Variants in PHKB observed in about 807,000 individuals in gnomAD.
PHKB encodes the protein phosphorylase kinase regulatory subunit beta.
Under a neutral mutation model 152.1 loss-of-function variants are expected in PHKB, and 122 were observed. The observed-to-expected ratio is 0.80, with a 90% CI of 0.69 to 0.93. The LOEUF (loss-of-function observed/expected upper bound fraction) is 0.93. PHKB is among the 40% of genes least tolerant of loss of function. The pLI is 0.00. For synonymous variants in PHKB, 436 were observed against 464.9 expected (o/e 0.94, Z 0.80); for missense variants, 1,304 against 1,328.4 (o/e 0.98, Z 0.29).
At chr16:47,623,448 A>G (rs1040564618) in intron 14 of PHKB, among the ~76,000 whole-genome samples, 1 of 147,072 alleles carries the variant, frequency 6.8e-6, no homozygotes, top group Non-Finnish European at 1.5e-5. Context: ...CTATCACTGT[A>G]TAGACAGAAG....
In PHKB at chr16:47,614,242, T is replaced by C. The variant is rs978364252; in HGVS notation, c.1458+3322T>C. Among the ~76,000 whole-genome samples, 4 of 152,150 alleles carry C rather than the reference T, an allele frequency of 2.6e-5. 1 individual carries two copies. The highest frequency in any genetic ancestry group is 4.4e-5 in the Non-Finnish European group (3 of 68,032). ...GTGCAGTACCAAAAGGGGATGGTGC[T>C]AAACCATTCATGAGAACTCCACCTC... On this transcript the variant is annotated intron_variant, in intron 14 of 30. Transcript: ENST00000323584.
At chr16:47,666,166 T>C (rs1190753987) in intron 25 of PHKB, 4 of 718,328 alleles carry the variant, frequency 5.6e-6, no homozygotes, top group Admixed American at 2.1e-5. Flanking sequence ...TCAGGCACTT[T>C]CTATCAAAGT....
At chr16:47,621,946 T>C (rs1972625186) in intron 14 of PHKB, among the ~76,000 whole-genome samples, 1 of 152,158 alleles carries the variant, frequency 6.6e-6, no homozygotes, top group Non-Finnish European at 1.5e-5. Context: ...CTTAAACACA[T>C]TTAATAACAT....
intron 27 of PHKB, 111 bp from the exon 28 acceptor site, chr16:47,693,267 C>A: frequency 2.8e-6 from 3 of 1,054,258 alleles, no homozygotes; most frequent in Non-Finnish European, 4.4e-6. Context: ...CATTGATGGG[C>A]TTTGGCTTTT....
chr16:47,552,438 G>A (rs1313177389), intron 7 of PHKB, among the ~76,000 whole-genome samples: 6 of 152,128 alleles, frequency 3.9e-5, no homozygotes, highest in Non-Finnish European at 8.8e-5. Context: ...GAATTTGCTC[G>A]TCTGTAAAGG....
In PHKB at chr16:47,701,205, C is replaced by G. The variant is rs981081630; in HGVS notation, c.*1839C>G. 11 of 152,160 alleles carry G rather than the reference C, an allele frequency of 7.2e-5. No individual in the cohort carries two copies. Among genetic ancestry groups the G allele is most frequent in the South Asian group, 6.2e-4 (3 of 4,824 alleles). The allele number at this position is 152,160 out of a possible 1,614,324, so 9.4% of individuals were successfully genotyped here. A position where few individuals can be genotyped will look rare whatever the true frequency, so the allele number is the denominator to read the frequency against. On this transcript the variant is annotated 3_prime_UTR_variant, in exon 31 of 31. Coordinates refer to ENST00000323584, the MANE Select transcript of PHKB (RefSeq NM_000293.3). ...AAATTAAAGAAAGGGAAACAAAAGA[C>G]TTAAAATTTTTGTTTGCCGAAATTT...
At chr16:47,565,741 G>A in intron 7 of PHKB, 1 of 1,493,980 alleles carries the variant, frequency 6.7e-7, no homozygotes. Flanking sequence ...GGCTCATCCA[G>A]CTGATGCTGC....
At chr16:47,493,686 A>T (rs1340132109) in intron 1 of PHKB, among the ~76,000 whole-genome samples, 1 of 152,228 alleles carries the variant, frequency 6.6e-6, no homozygotes, top group Non-Finnish European at 1.5e-5. Flanking sequence ...AGTGGGACTC[A>T]TGAGAGCCTT....
intron 7 of PHKB, chr16:47,566,613 G>C (rs762814204): frequency 1.5e-6 from 2 of 1,335,732 alleles, no homozygotes; most frequent in Admixed American, 3.4e-5. Context: ...AGCAATGTAG[G>C]GTGACAATTT....
intron 14 of PHKB, among the ~76,000 whole-genome samples, chr16:47,619,972 A>G (rs945642848): frequency 6.6e-6 from 1 of 152,220 alleles, no homozygotes; most frequent in South Asian, 2.1e-4. Flanking sequence ...TGTGTATTAT[A>G]CTAATTAGAA....
intron 6 of PHKB, among the ~76,000 whole-genome samples, chr16:47,527,046 C>G (rs557973347): frequency 1.3e-5 from 2 of 152,030 alleles, no homozygotes; most frequent in African/African-American, 4.8e-5. Flanking sequence ...CTCATGAGAA[C>G]TCACCCACTA....
chr16:47,470,101 C>G (rs1484908222), intron 1 of PHKB, among the ~76,000 whole-genome samples: 1 of 152,156 alleles, frequency 6.6e-6, no homozygotes, highest in African/African-American at 2.4e-5. Context: ...GACCCTAACC[C>G]AGCGGCGCTA....
intron 1 of PHKB, among the ~76,000 whole-genome samples, chr16:47,473,430 G>A (rs1969814934): frequency 6.6e-6 from 1 of 151,222 alleles, no homozygotes; most frequent in African/African-American, 2.4e-5. Context: ...TTTCACATTA[G>A]GCCTTCGTTG....
At chr16:47,637,735 T>C (rs1188930147) in intron 14 of PHKB, among the ~76,000 whole-genome samples, 3 of 151,964 alleles carry the variant, frequency 2.0e-5, no homozygotes, top group East Asian at 1.9e-4. Flanking sequence ...ATTTGAGAAA[T>C]GAAAGGAAAA....
intron 6 of PHKB, among the ~76,000 whole-genome samples, chr16:47,528,696 C>CT (rs11450311): frequency 0.86 from 118,488 of 137,444 alleles, 52,090 homozygotes; most frequent in East Asian, 0.98. Context: ...AGGACTTTTT[C>CT]TTTTTTTTTT....
intron 4 of PHKB, among the ~76,000 whole-genome samples, chr16:47,507,317 A>ATT (rs376295915): frequency 3.4e-5 from 5 of 147,924 alleles, no homozygotes; most frequent in African/African-American, 1.2e-4. Context: ...AAGGATTATC[A>ATT]TTTTTTTTTT....
At chr16:47,597,678 C>CTTTTTTTTTTTTTT (rs1010545365) in intron 13 of PHKB, 356 of 106,892 alleles carry the variant, frequency 3.3e-3, no homozygotes, top group East Asian at 5.3e-3. Flanking sequence ...TTTCTTTTTT[C>CTTTTTTTTTTTTTT]TTTTTTTTTT....
At chr16:47,524,337 C>T (rs1970732069) in intron 6 of PHKB, among the ~76,000 whole-genome samples, 1 of 152,116 alleles carries the variant, frequency 6.6e-6, no homozygotes. Flanking sequence ...TTATAAGATC[C>T]ATTAACCCTG....
At chr16:47,497,127 G>A (rs1166048056) in intron 1 of PHKB, among the ~76,000 whole-genome samples, 2 of 152,132 alleles carry the variant, frequency 1.3e-5, no homozygotes, top group East Asian at 1.9e-4. Context: ...TTAGTTGTTT[G>A]GACCATGTAC....
Sources: allele counts gnomAD v4.1 joint callset (sites outside exome capture counted in the v4.1 genomes callset), GRCh38; gene constraint gnomAD v4.1.1; transcripts MANE v1.5; gene names NCBI Gene and HGNC (gene_info 2026-07-23, HGNC 2026-07-21).